RINT1: variants seen among roughly 807,000 people sequenced by gnomAD.
RINT1 encodes RAD50-interacting protein 1.
In RINT1, 75 loss-of-function variants were observed where a neutral mutation model predicts 97.7. The ratio of observed to expected loss-of-function variants is 0.77; its 90% CI spans 0.64 to 0.93. The LOEUF (loss-of-function observed/expected upper bound fraction) is 0.93, where lower values mean the gene tolerates loss of function less well. Among genes scored for constraint, RINT1 ranks in the 40% least tolerant of loss-of-function variants. The pLI is 0.00. For synonymous variants in RINT1, 303 were observed against 326.3 expected (o/e 0.93, Z 0.77); for missense variants, 892 against 925.2 (o/e 0.96, Z 0.47).
In RINT1 at chr7:105,539,607, G is replaced by A. The variant is rs140093260; in HGVS notation, c.274-2801G>A. 1.3e-3 allele frequency among the ~76,000 whole-genome samples: 203 copies of A among 152,084 alleles called. 1 individual carries two copies. The highest frequency in any genetic ancestry group is 4.6e-3 in the African/African-American group (191 of 41,476). Reference sequence around the variant, plus strand: ...ACTCCCAACCTCAGGTGATCTGCCCGAAAGTGGATCTTGGCCTTCCAAAGT... The same window carrying A: ...ACTCCCAACCTCAGGTGATCTGCCCAAAAGTGGATCTTGGCCTTCCAAAGT... On this transcript the variant is annotated intron_variant, in intron 3 of 14. Coordinates refer to ENST00000257700, the MANE Select transcript of RINT1 (RefSeq NM_021930.6).
intron 4 of RINT1, among the ~76,000 whole-genome samples, chr7:105,544,970 T>C (rs1006494527): frequency 3.9e-5 from 6 of 152,166 alleles, no homozygotes; most frequent in African/African-American, 1.2e-4. Flanking sequence ...TTTATTCTGA[T>C]GTACATTGTC....
Position 105,562,901 on chromosome 7 carries a change from TCAAAA to T in RINT1, c.1672-826_1672-822del, listed in dbSNP as rs553239189. On this transcript the variant is annotated intron_variant, in intron 11 of 14. Transcript: ENST00000257700. ...CTGGGTGACAGAGCGAGATTCCGTC[TCAAAA>T]CAAAAAACAAAAAAACAAAACAAAA... Among the ~76,000 whole-genome samples, 638 of 152,128 alleles carry T rather than the reference TCAAAA, an allele frequency of 4.2e-3. 2 individuals carry two copies. Among genetic ancestry groups the T allele is most frequent in the Non-Finnish European group, 5.6e-3 (380 of 68,002 alleles).
chr7:105,557,460 T>G (rs944452544), intron 11 of RINT1, among the ~76,000 whole-genome samples: 31 of 151,958 alleles, frequency 2.0e-4, no homozygotes, highest in Non-Finnish European at 4.1e-4. Flanking sequence ...ATTATCTTAA[T>G]GCAATAAAAC....
At chr7:105,538,118 G>A (rs551201360) in intron 3 of RINT1, among the ~76,000 whole-genome samples, 1 of 151,618 alleles carries the variant, frequency 6.6e-6, no homozygotes, top group Non-Finnish European at 1.5e-5. Context: ...TCAGCCTCCC[G>A]AGTAGCTGGG....
In RINT1 at chr7:105,563,792, T is replaced by A. The variant is rs751497758; in HGVS notation, c.1731T>A (p.Ser577Arg). The change falls in exon 12 of 15, where the codon AGT becomes AGA. Residue 577 changes from serine (S) to arginine (R), a missense_variant. Physicochemically the swap from Ser to Arg is moderately radical, Grantham distance 110. Transcript: ENST00000257700. Reference protein sequence around the residue: ...LEVFAENNTLSKLQLGQLASM... With the variant: ...LEVFAENNTLRKLQLGQLASM... ...TGTTTGCAGAGAATAATACTCTGAGTAAATTGCAGCTAGGACAGCTAGCCT... is the reference window on the plus strand; with the variant it reads ...TGTTTGCAGAGAATAATACTCTGAGAAAATTGCAGCTAGGACAGCTAGCCT... 2 of 1,614,190 alleles carry A rather than the reference T, an allele frequency of 1.2e-6. No individual in the cohort carries two copies. The highest frequency in any genetic ancestry group is 1.7e-6 in the Non-Finnish European group (2 of 1,180,024).
At chr7:105,563,349 AT>A (rs1373556552) in intron 11 of RINT1, among the ~76,000 whole-genome samples, 3 of 152,206 alleles carry the variant, frequency 2.0e-5, no homozygotes, top group African/African-American at 7.2e-5. Context: ...ATATAAAAAA[AT>A]CATTGAATTA....
chr7:105,542,737 G>T (rs766639203), intron 4 of RINT1, 88 bp downstream of exon 4: 19 of 1,257,130 alleles, frequency 1.5e-5, no homozygotes, highest in Non-Finnish European at 2.0e-5. Flanking sequence ...AAATAATTGA[G>T]TTAATTAAAG....
Position 105,560,335 on chromosome 7 carries a change from G to A in RINT1, c.1672-3398G>A, listed in dbSNP as rs372660712. On this transcript the variant is annotated intron_variant, in intron 11 of 14. Coordinates refer to ENST00000257700, the MANE Select transcript of RINT1 (RefSeq NM_021930.6). ...AAAGGATAGGGCTGACACCACCTAA[G>A]TTGTCTCAGATTGGGGAAGTGTTTC... 1.9e-3 allele frequency among the ~76,000 whole-genome samples: 294 copies of A among 152,306 alleles called. 3 individuals carry two copies. The highest frequency in any genetic ancestry group is 6.9e-3 in the African/African-American group (288 of 41,564).
intron 3 of RINT1, among the ~76,000 whole-genome samples, chr7:105,539,647 C>T (rs949692171): frequency 2.0e-5 from 3 of 152,042 alleles, no homozygotes; most frequent in East Asian, 1.9e-4. Context: ...GGATTACAGG[C>T]GTGAGTCACT....
chr7:105,537,467 G>A (rs537918472), intron 3 of RINT1, among the ~76,000 whole-genome samples: 1 of 152,050 alleles, frequency 6.6e-6, no homozygotes, highest in African/African-American at 2.4e-5. Context: ...ATAGGGAGAA[G>A]TATAAAGTGA....
Position 105,550,045 on chromosome 7 carries a change from C to G in RINT1, c.997-10C>G. ...ACTTAAGAATTCAAACTATTTTCCT[C>G]CTTCCTTAGCCAGAATGGTACTTGG... On this transcript the variant is annotated splice_polypyrimidine_tract_variant and intron_variant, in intron 7 of 14. Coordinates refer to ENST00000257700, the MANE Select transcript of RINT1 (RefSeq NM_021930.6). The G allele has an allele frequency of 6.5e-7, 1 of 1,548,262 alleles. No individual in the cohort carries two copies. The highest frequency in any genetic ancestry group is 8.9e-7 in the Non-Finnish European group (1 of 1,129,706).
At position 105,552,923 on chromosome 7, in the gene RINT1, C is replaced by T. The variant is rs562629417; in HGVS notation, c.1471+1216C>T. Among the ~76,000 whole-genome samples the T allele has an allele frequency of 3.9e-5, 6 of 152,020 alleles. No homozygotes were observed. The East Asian group carries it at 5.8e-4, about 15-fold the overall frequency. ...TCCTGACCTTGTGATCCACCTGCCT[C>T]GGCCTCCCAAAGTGCTGGGATTACA... is the stretch of plus-strand genomic sequence containing the variant. On this transcript the variant is annotated intron_variant, in intron 10 of 14. Transcript: ENST00000257700.
intron 6 of RINT1, among the ~76,000 whole-genome samples, chr7:105,548,185 G>A (rs1790756971): frequency 6.6e-6 from 1 of 151,970 alleles, no homozygotes; most frequent in South Asian, 2.1e-4. Context: ...GTGCCACCAT[G>A]CCCCGCTAAT....
chr7:105,551,748 C>T (rs1207583270), intron 10 of RINT1, 41 bp downstream of exon 10: 2 of 1,534,616 alleles, frequency 1.3e-6, no homozygotes, highest in Non-Finnish European at 1.8e-6. Flanking sequence ...TTTAAAAGTA[C>T]TGTTTTCACG....
At chr7:105,545,611 TGTCTTCTGG>T (rs1449690659) in intron 4 of RINT1, among the ~76,000 whole-genome samples, 4 of 151,572 alleles carry the variant, frequency 2.6e-5, no homozygotes, top group African/African-American at 9.7e-5. Flanking sequence ...CTGCAACCTC[TGTCTTCTGG>T]GTTCAAGCAA....
At chr7:105,536,820 TTA>T in intron 3 of RINT1, 71 bp downstream of exon 3, 2 of 883,364 alleles carry the variant, frequency 2.3e-6, no homozygotes, top group Non-Finnish European at 3.1e-6. Flanking sequence ...ACATAATCTA[TTA>T]TATATAGAAT....
chr7:105,539,177 C>A (rs1343088617), intron 3 of RINT1, among the ~76,000 whole-genome samples: 3 of 152,074 alleles, frequency 2.0e-5, no homozygotes, highest in Non-Finnish European at 4.4e-5. Context: ...CTATACTGAT[C>A]CATTTTTTAG....
chr7:105,567,100 C>G lies in RINT1; in HGVS notation c.2187-19C>G. On this transcript the variant is annotated intron_variant, in intron 14 of 14. Coordinates refer to ENST00000257700, the MANE Select transcript of RINT1 (RefSeq NM_021930.6). Reference sequence around the variant, plus strand: ...AGATAATGGAGATCTCATTTCCCTCCTTTGTTTTCCCTAAACAGTATAAAA... The same window carrying G: ...AGATAATGGAGATCTCATTTCCCTCGTTTGTTTTCCCTAAACAGTATAAAA... The G allele has an allele frequency of 6.9e-7, 1 of 1,458,040 alleles. No homozygotes were observed. The highest frequency in any genetic ancestry group is 9.1e-7 in the Non-Finnish European group (1 of 1,099,112). 90.3% of individuals were successfully genotyped at this position (1,458,040 alleles called of 1,614,324 possible).
chr7:105,566,843 T>C (rs1057106949), intron 14 of RINT1: 3 of 207,430 alleles, frequency 1.4e-5, no homozygotes, highest in African/African-American at 6.9e-5. Context: ...TATAGCTATA[T>C]TTAATATAGT....
Sources: gnomAD v4.1 joint callset for allele counts (sites outside exome capture counted in the v4.1 genomes callset) on GRCh38, gnomAD v4.1.1 for gene constraint, MANE v1.5 for transcripts, NCBI Gene and HGNC (gene_info 2026-07-23, HGNC 2026-07-21) for gene names.